ADAMTSL3: variants seen among roughly 807,000 people sequenced by gnomAD.
The protein encoded by ADAMTSL3 is ADAMTS like 3.
Under a neutral mutation model 201.7 loss-of-function variants are expected in ADAMTSL3, and 128 were observed. That is an observed-to-expected ratio of 0.63 (90% CI 0.55 to 0.73). The LOEUF (loss-of-function observed/expected upper bound fraction) is 0.73, where lower values mean the gene tolerates loss of function less well. Among genes scored for constraint, ADAMTSL3 ranks in the 30% least tolerant of loss-of-function variants. The pLI is 0.00. For missense variants in ADAMTSL3, 1,990 were observed against 2,119.6 expected (o/e 0.94, Z 1.20); for synonymous variants, 738 against 748.4 (o/e 0.99, Z 0.23).
chr15:83,795,867 T>C (rs1241437565), intron 4 of ADAMTSL3, among the ~76,000 whole-genome samples: 2 of 152,100 alleles, frequency 1.3e-5, no homozygotes, highest in Admixed American at 6.6e-5. Flanking sequence ...TTCCTGTCGA[T>C]AGAGCCCTGC....
chr15:83,821,784 G>A lies in ADAMTSL3; in HGVS notation c.600+1737G>A, dbSNP rs895665064. 2.8e-3 allele frequency among the ~76,000 whole-genome samples: 418 copies of A among 151,918 alleles called. 2 individuals are homozygous for A. Among genetic ancestry groups the A allele is most frequent in the African/African-American group, 9.4e-3 (389 of 41,446 alleles). On this transcript the variant is annotated intron_variant, in intron 6 of 29. Coordinates refer to ENST00000286744, the MANE Select transcript of ADAMTSL3 (RefSeq NM_207517.3). The stretch of plus-strand genomic sequence containing the variant: ...ACACCTCCCAGACGGGGTGGTGGCC[G>A]GGCAGAGGGGCTCCTCACTTCCCAG...
intron 8 of ADAMTSL3, among the ~76,000 whole-genome samples, chr15:83,859,560 T>C (rs904276321): frequency 2.0e-5 from 3 of 152,238 alleles, no homozygotes; most frequent in African/African-American, 7.2e-5. Context: ...TTTTTCTGGC[T>C]ATTGTTTTAA....
chr15:83,864,982 G>C (rs2064944408), intron 8 of ADAMTSL3, among the ~76,000 whole-genome samples: 1 of 152,102 alleles, frequency 6.6e-6, no homozygotes, highest in African/African-American at 2.4e-5. Context: ...GACAAACGGA[G>C]AGCCAAATCA....
chr15:83,895,814 GTGAGT>G (rs1486422566), intron 13 of ADAMTSL3, among the ~76,000 whole-genome samples: 1 of 152,040 alleles, frequency 6.6e-6, no homozygotes, highest in Admixed American at 6.6e-5. Flanking sequence ...TTGGGGGTAG[GTGAGT>G]CAATTTTCCA....
chr15:83,801,651 AATATAT>A (rs68098545), intron 4 of ADAMTSL3, among the ~76,000 whole-genome samples: 27 of 31,260 alleles, frequency 8.6e-4, no homozygotes, highest in Middle Eastern at 0.029. Flanking sequence ...TATAAATATA[AATATAT>A]ATATATATAT....
At chr15:83,807,315 G>T (rs1361195801) in intron 5 of ADAMTSL3, among the ~76,000 whole-genome samples, 1 of 152,104 alleles carries the variant, frequency 6.6e-6, no homozygotes, top group East Asian at 1.9e-4. Flanking sequence ...AATTAGCTGG[G>T]TGTGGTGGTG....
At chr15:83,782,078 G>A (rs2063178801) in intron 4 of ADAMTSL3, among the ~76,000 whole-genome samples, 2 of 152,136 alleles carry the variant, frequency 1.3e-5, no homozygotes, top group South Asian at 2.1e-4. Flanking sequence ...GGGTATATAT[G>A]CAAAGTAATA....
chr15:83,996,417 A>G (rs908724835), intron 23 of ADAMTSL3, among the ~76,000 whole-genome samples: 3 of 152,220 alleles, frequency 2.0e-5, no homozygotes, highest in African/African-American at 4.8e-5. Flanking sequence ...TTTCTGGCAG[A>G]AAATATTTGT....
intron 6 of ADAMTSL3, among the ~76,000 whole-genome samples, chr15:83,830,130 A>C (rs929419948): frequency 2.6e-5 from 4 of 152,206 alleles, no homozygotes; most frequent in African/African-American, 9.7e-5. Context: ...ACCATTCATC[A>C]AGACAAAATA....
rs148577173 is a variant in ADAMTSL3, at chr15:84,039,736, G to A, written c.*1930G>A. On this transcript the variant is annotated 3_prime_UTR_variant, in exon 30 of 30. Transcript: ENST00000286744. The stretch of plus-strand genomic sequence containing the variant: ...CATTCAATTGACATTCCTGTGTACT[G>A]TATTTTACTACTGTTTTTATAACAT... 646 of 152,660 alleles carry A rather than the reference G, an allele frequency of 4.2e-3. 3 individuals are homozygous for A. The highest frequency in any genetic ancestry group is 6.1e-3 in the Non-Finnish European group (417 of 68,010). 9.5% of individuals were successfully genotyped at this position (152,660 alleles called of 1,614,324 possible).
At chr15:84,022,484 C>T (rs1449417396) in intron 26 of ADAMTSL3, among the ~76,000 whole-genome samples, 2 of 152,198 alleles carry the variant, frequency 1.3e-5, no homozygotes, top group African/African-American at 4.8e-5. Context: ...AATATATCTA[C>T]TTTTAAAAAA....
intron 2 of ADAMTSL3, among the ~76,000 whole-genome samples, chr15:83,702,255 A>T (rs2061788133): frequency 1.3e-5 from 2 of 152,240 alleles, no homozygotes; most frequent in Admixed American, 1.3e-4. Flanking sequence ...TCAGTTTAAA[A>T]AGGGAAACAG....
intron 8 of ADAMTSL3, 95 bp from the exon 9 acceptor site, chr15:83,870,707 G>A: frequency 9.9e-7 from 1 of 1,013,724 alleles, no homozygotes; most frequent in South Asian, 1.9e-5. Flanking sequence ...ACATTGTTTT[G>A]ATATCATATA....
At position 83,810,142 on chromosome 15, in the gene ADAMTSL3, A is replaced by G. The variant is rs982781600; in HGVS notation, c.363+5447A>G. On this transcript the variant is annotated intron_variant, in intron 5 of 29. Transcript: ENST00000286744. The stretch of plus-strand genomic sequence containing the variant: ...TATTTACTGGGGCACTCAAACTCAA[A>G]TATCACTTAGCCAGAAGTAACCAGA... Among the ~76,000 whole-genome samples the G allele has an allele frequency of 2.0e-5, 3 of 152,214 alleles. No individual in the cohort carries two copies. The East Asian group carries it at 5.8e-4, about 29-fold the overall frequency.
chr15:83,801,554 A>G (rs1261408450), intron 4 of ADAMTSL3, among the ~76,000 whole-genome samples: 1 of 148,694 alleles, frequency 6.7e-6, no homozygotes, highest in Non-Finnish European at 1.5e-5. Context: ...CACTACAGAA[A>G]ACTAAAATCT....
intron 7 of ADAMTSL3, among the ~76,000 whole-genome samples, chr15:83,841,655 C>G (rs968515235): frequency 6.7e-6 from 1 of 150,364 alleles, no homozygotes; most frequent in African/African-American, 2.5e-5. Flanking sequence ...CACACTGATA[C>G]GGGAGGGGGG....
At chr15:83,835,996 G>A (rs1567178575) in intron 6 of ADAMTSL3, among the ~76,000 whole-genome samples, 1 of 152,106 alleles carries the variant, frequency 6.6e-6, no homozygotes, top group Admixed American at 6.5e-5. Flanking sequence ...AGAGTTAAAG[G>A]TATCACCTCA....
At chr15:83,863,797 A>T in intron 8 of ADAMTSL3, among the ~76,000 whole-genome samples, 1 of 152,202 alleles carries the variant, frequency 6.6e-6, no homozygotes, top group Non-Finnish European at 1.5e-5. Context: ...AAACACAAAA[A>T]ACCCTTCAAA....
At chr15:83,669,465 T>G (rs2061295624) in intron 2 of ADAMTSL3, among the ~76,000 whole-genome samples, 3 of 79,062 alleles carry the variant, frequency 3.8e-5, no homozygotes, top group Admixed American at 3.6e-4. Flanking sequence ...TTTTTTTTTT[T>G]TTTTTTTTTT....
Sources: gnomAD v4.1 joint callset for allele counts (sites outside exome capture counted in the v4.1 genomes callset) on GRCh38, gnomAD v4.1.1 for gene constraint, MANE v1.5 for transcripts, NCBI Gene and HGNC (gene_info 2026-07-23, HGNC 2026-07-21) for gene names.